SLC16A1: variants seen among roughly 807,000 people sequenced by gnomAD.
The protein encoded by SLC16A1 is monocarboxylate transporter 1.
Under a neutral mutation model 32.2 loss-of-function variants are expected in SLC16A1, and 11 were observed. The ratio of observed to expected loss-of-function variants is 0.34; its 90% CI spans 0.21 to 0.56. SLC16A1 has a LOEUF of 0.56. Ranked by LOEUF, SLC16A1 falls within the 20% of genes least tolerant of loss-of-function variation. The probability of loss-of-function intolerance (pLI) is 0.87; values close to 1 mark genes in which losing one functional copy is unlikely to be tolerated. For missense variants in SLC16A1, 435 were observed against 615.0 expected (o/e 0.71, Z 3.10); for synonymous variants, 231 against 226.8 (o/e 1.02, Z -0.17).
intron 4 of SLC16A1, among the ~76,000 whole-genome samples, chr1:112,915,076 C>A (rs1016152765): frequency 1.6e-4 from 24 of 152,184 alleles, no homozygotes; most frequent in African/African-American, 5.6e-4. Context: ...TAACTCAGGG[C>A]ATCATTCATT....
At chr1:112,923,664 CG>C (rs1648823151) in intron 2 of SLC16A1, 8 of 1,505,960 alleles carry the variant, frequency 5.3e-6, no homozygotes, top group Non-Finnish European at 7.4e-6. Context: ...GCAGTGTCCC[CG>C]AGTGGACCTC....
intron 2 of SLC16A1, among the ~76,000 whole-genome samples, chr1:112,925,042 T>C (rs1349664135): frequency 6.6e-6 from 1 of 152,146 alleles, no homozygotes; most frequent in African/African-American, 2.4e-5. Context: ...CTCAAGAGAA[T>C]AGGAAATAGT....
At chr1:112,929,408 T>C in intron 1 of SLC16A1, 56 bp from the exon 2 acceptor site, 1 of 968,210 alleles carries the variant, frequency 1.0e-6, no homozygotes, top group Non-Finnish European at 1.6e-6. Context: ...TATAAAACTC[T>C]TTTGTGAAAT....
intron 1 of SLC16A1, among the ~76,000 whole-genome samples, chr1:112,930,644 A>G (rs1649094783): frequency 6.6e-6 from 1 of 152,210 alleles, no homozygotes. Context: ...TCCTTAAATT[A>G]CTTAGATAAC....
chr1:112,917,304 C>A lies in SLC16A1; in HGVS notation c.1102G>T (p.Gly368Trp). 6.2e-7 allele frequency: 1 copy of A among 1,614,098 alleles called. No individual in the cohort carries two copies. Among genetic ancestry groups the A allele is most frequent in the Non-Finnish European group, 8.5e-7 (1 of 1,180,032 alleles). ...TCAAACAATACGGAGCTGAGCCACC[C>A]GAAGGCAAATCCAAAGAATCCCGCA... ...VYAGFFGFAF[G>W]WLSSVLFETL... Residue 368 changes from glycine (G) to tryptophan (W), a missense_variant, in exon 4 of 5, where the codon GGG (glycine) becomes TGG (tryptophan). By Grantham distance (184) the Gly-to-Trp change is radical. Transcript: ENST00000369626. The surrounding 1 kb of genome is among the most constrained non-coding windows in gnomAD (Gnocchi z 4.1).
In SLC16A1 at chr1:112,924,193, G is replaced by A. The variant is rs1648850880; in HGVS notation, c.218-2060C>T. 11 of 1,512,224 alleles carry A rather than the reference G, an allele frequency of 7.3e-6. No homozygotes were observed. The South Asian group carries it at 1.1e-4, about 15-fold the overall frequency. The allele number at this position is 1,512,224 out of a possible 1,614,324, so 93.7% of individuals were successfully genotyped here. A position where few individuals can be genotyped will look rare whatever the true frequency, so the allele number is the denominator to read the frequency against. ...CACTCACAGCTGCAGGGTGCCCACG[G>A]GGACGCAGTCATCCTGGGCATGTCC... On this transcript the variant is annotated intron_variant, in intron 2 of 4. Transcript: ENST00000369626.
At chr1:112,954,491 T>C (rs938304231) in intron 1 of SLC16A1, among the ~76,000 whole-genome samples, 3 of 152,218 alleles carry the variant, frequency 2.0e-5, no homozygotes, top group Non-Finnish European at 4.4e-5. Context: ...AGGGCTAATA[T>C]ATGCCCTAAT....
At chr1:112,953,615 C>T (rs1051126088) in intron 1 of SLC16A1, among the ~76,000 whole-genome samples, 1 of 152,182 alleles carries the variant, frequency 6.6e-6, no homozygotes, top group African/African-American at 2.4e-5. Context: ...TACTGTCTAT[C>T]TCTTCAACTT....
intron 1 of SLC16A1, among the ~76,000 whole-genome samples, chr1:112,950,839 T>A (rs1649866783): frequency 6.6e-6 from 1 of 152,040 alleles, no homozygotes; most frequent in Non-Finnish European, 1.5e-5. Context: ...ACTAAAAAAA[T>A]GTTTAAATAA....
intron 1 of SLC16A1, among the ~76,000 whole-genome samples, chr1:112,941,271 T>C (rs1649498710): frequency 6.9e-6 from 1 of 144,060 alleles, no homozygotes. Context: ...TATAGACCTC[T>C]TCACACCTTT....
chr1:112,929,210 A>T lies in SLC16A1; in HGVS notation c.99T>A (p.Ser33=). Residue 33 remains serine, a synonymous_variant, in exon 2 of 5, where the codon TCT becomes TCA. Coordinates refer to ENST00000369626, the MANE Select transcript of SLC16A1 (RefSeq NM_003051.4). The part of the protein sequence containing the change: ...VIGAFISIGF[S]YAFPKSITVF... ...CAGTAATTGATTTGGGAAATGCATA[A>T]GAGAAGCCGATGGAAATGAAAGCTC... is the stretch of plus-strand genomic sequence containing the variant. 1 of 1,614,134 alleles carries T rather than the reference A, an allele frequency of 6.2e-7. No individual in the cohort carries two copies. The highest frequency in any genetic ancestry group is 8.5e-7 in the Non-Finnish European group (1 of 1,180,030).
chr1:112,947,204 T>C (rs963450940), intron 1 of SLC16A1, among the ~76,000 whole-genome samples: 4 of 152,222 alleles, frequency 2.6e-5, no homozygotes, highest in Non-Finnish European at 1.5e-5. Context: ...ACTCAAAATA[T>C]ATTCAACAAA....
At chr1:112,919,832 C>G (rs950787593) in intron 3 of SLC16A1, among the ~76,000 whole-genome samples, 1 of 152,206 alleles carries the variant, frequency 6.6e-6, no homozygotes, top group Non-Finnish European at 1.5e-5. Context: ...AAAGTTGATT[C>G]TTCAGTGAGC....
rs72482006 is a variant in SLC16A1 at position 112,945,687 on chromosome 1, GA to G, written c.-45+10347del. Among the ~76,000 whole-genome samples the G allele has an allele frequency of 9.6e-3, 1,173 of 121,608 alleles. 14 individuals are homozygous for G. Among genetic ancestry groups the G allele is most frequent in the African/African-American group, 0.031 (1,020 of 32,498 alleles). 79.8% of individuals were successfully genotyped at this position (121,608 alleles called of 152,430 possible). On this transcript the variant is annotated intron_variant, in intron 1 of 4. Transcript: ENST00000369626. ...AAGACTCGGCCTCAAAAAAAAAAAA[GA>G]AAAAAAAAAATTACCTACTGTTGTC...
chr1:112,955,346 A>C (rs535502749), intron 1 of SLC16A1: 1 of 152,332 alleles, frequency 6.6e-6, no homozygotes, highest in South Asian at 2.1e-4. Flanking sequence ...GGGCCGCCTT[A>C]AGTCCATGAG....
chr1:112,929,421 G>C, intron 1 of SLC16A1, 69 bp from the exon 2 acceptor site: 2 of 875,416 alleles, frequency 2.3e-6, no homozygotes, highest in Non-Finnish European at 3.7e-6. Context: ...TGTGAAATAA[G>C]AAATATAGCC....
chr1:112,921,907 C>T (rs1035523148), intron 3 of SLC16A1, 83 bp downstream of exon 3: 9 of 1,486,698 alleles, frequency 6.1e-6, no homozygotes, highest in Admixed American at 1.7e-5. Context: ...AATTTCACTC[C>T]AGAGATCTGA....
Position 112,914,157 on chromosome 1 carries a change from T to C in SLC16A1, c.1237A>G (p.Asn413Asp). 6.2e-7 allele frequency: 1 copy of C among 1,614,166 alleles called. No homozygotes were observed. Among genetic ancestry groups the C allele is most frequent in the Non-Finnish European group, 8.5e-7 (1 of 1,180,020 alleles). ...TATTTGTAGTCTCCATACATGTCAT[T>C]GAGCCGACCTAAATATGTAAAACAA... ...LLGPPLLGRL[N>D]DMYGDYKYTY... The change falls in exon 5 of 5, where the codon AAT (asparagine) becomes GAT (aspartate). Residue 413 changes from asparagine (N) to aspartate (D), a missense_variant. This residue lies in a region of SLC16A1 where 111 missense variants were observed against 114.7 expected (regional missense o/e 0.97). Transcript: ENST00000369626.
intron 2 of SLC16A1, among the ~76,000 whole-genome samples, chr1:112,922,645 C>A (rs12062526): frequency 6.6e-5 from 10 of 151,966 alleles, no homozygotes; most frequent in African/African-American, 2.4e-4. Flanking sequence ...GTGGTTGGCG[C>A]GTGCCTGTAA....
Sources: gnomAD v4.1 joint callset for allele counts (sites outside exome capture counted in the v4.1 genomes callset) on GRCh38, gnomAD v4.1.1 for gene constraint, gnomAD v4.1.1 regional missense constraint, Gnocchi (gnomAD v3.1) non-coding constraint, MANE v1.5 for transcripts, NCBI Gene and HGNC (gene_info 2026-07-23, HGNC 2026-07-21) for gene names.